CATIP: variants seen among roughly 807,000 people sequenced by gnomAD.
CATIP encodes the protein ciliogenesis-associated TTC17-interacting protein.
CATIP carries 40 observed loss-of-function variants against 42.5 expected under a neutral mutation model. That is an observed-to-expected ratio of 0.94 (90% confidence interval 0.73 to 1.22). The LOEUF (loss-of-function observed/expected upper bound fraction) is 1.22. CATIP is among the 50% of genes most tolerant of loss of function. The probability of loss-of-function intolerance (pLI) is 0.00; values close to 1 mark genes in which losing one functional copy is unlikely to be tolerated. For synonymous variants in CATIP, 222 were observed against 200.2 expected (o/e 1.11, Z -0.92); for missense variants, 489 against 496.0 (o/e 0.99, Z 0.13).
chr2:218,367,363 G>C, intron 8 of CATIP, 67 bp from the exon 9 acceptor site: 2 of 1,427,858 alleles, frequency 1.4e-6, no homozygotes, highest in South Asian at 1.1e-5. Flanking sequence ...GTGTTCTCGG[G>C]ATCTCGCTGT....
intron 5 of CATIP, among the ~76,000 whole-genome samples, chr2:218,361,182 T>C (rs1324997585): frequency 1.3e-5 from 2 of 151,970 alleles, no homozygotes; most frequent in Non-Finnish European, 2.9e-5. Flanking sequence ...AATCAACACG[T>C]GTAAGATGTA....
chr2:218,357,368 A>C (rs781232029), intron 2 of CATIP, 166 bp from the exon 3 acceptor site: 1 of 706,484 alleles, frequency 1.4e-6, no homozygotes, highest in South Asian at 1.9e-5. Flanking sequence ...CCCCGGGGAC[A>C]TGGGGACATG....
In CATIP at chr2:218,356,892, C is replaced by A; in HGVS notation, c.8C>A (p.Ser3Tyr). MSSKVYSTGSRAK... is the reference protein window; with the variant it reads MSYKVYSTGSRAK... ...TAGAGGCAGGCCCACAGCATGTCCTCCAAGGTTTACTCCACAGGTGGGAAG... is the reference window on the plus strand; with the variant it reads ...TAGAGGCAGGCCCACAGCATGTCCTACAAGGTTTACTCCACAGGTGGGAAG... The change falls in exon 1 of 10, where the codon TCC becomes TAC. Residue 3 changes from serine (S) to tyrosine (Y), a missense_variant. Physicochemically the swap from Ser to Tyr is moderately radical, Grantham distance 144. Transcript: ENST00000289388. 1 of 1,614,098 alleles carries A rather than the reference C, an allele frequency of 6.2e-7. No homozygotes were observed. Among genetic ancestry groups the A allele is most frequent in the South Asian group, 1.1e-5 (1 of 91,078 alleles).
intron 3 of CATIP, 57 bp downstream of exon 3, chr2:218,357,791 C>T (rs762642450): frequency 1.0e-5 from 16 of 1,529,088 alleles, no homozygotes; most frequent in African/African-American, 2.7e-5. Flanking sequence ...CCCTCCCCTC[C>T]ACCAATTCCT....
intron 7 of CATIP, chr2:218,366,107 A>C (rs547810387): frequency 6.6e-6 from 1 of 151,046 alleles, no homozygotes; most frequent in South Asian, 2.1e-4. Flanking sequence ...GAGCCACTAC[A>C]AGTGTGAGCC....
At position 218,357,732 on chromosome 2, in the gene CATIP, T is replaced by G. The variant is rs147403100; in HGVS notation, c.317T>G (p.Leu106Arg). ...LDKMLCGNSL[L>R]GYLSEKLELM... Reference sequence around the variant, plus strand: ...AAAATGCTCTGCGGAAATTCCCTCCTGGGTAGCGTTCCTACTGCCTGATGC... The same window carrying G: ...AAAATGCTCTGCGGAAATTCCCTCCGGGGTAGCGTTCCTACTGCCTGATGC... The change falls in exon 3 of 10, where the codon CTG (leucine) becomes CGG (arginine). Residue 106 changes from leucine to arginine, a missense_variant and splice_region_variant. Coordinates refer to ENST00000289388, the MANE Select transcript of CATIP (RefSeq NM_198559.2). 389 of 1,612,548 alleles carry G rather than the reference T, an allele frequency of 2.4e-4. No homozygotes were observed. The highest frequency in any genetic ancestry group is 3.1e-4 in the Non-Finnish European group (360 of 1,179,828).
Position 218,364,733 on chromosome 2 carries a change from T to A in CATIP, c.736T>A (p.Tyr246Asn), listed in dbSNP as rs779603976. 6.3e-5 allele frequency: 102 copies of A among 1,613,416 alleles called. No individual in the cohort carries two copies. The highest frequency in any genetic ancestry group is 8.4e-5 in the Non-Finnish European group (99 of 1,179,758). ...AEEGIPMSCQ[Y>N]YLLSDGHLAK... is the part of the protein sequence containing the mutation. ...GGAGGGCATCCCCATGTCCTGCCAG[T>A]ACTACCTGCTCTCCGATGGGTGAGC... Residue 246 changes from tyrosine to asparagine, a missense_variant, in exon 7 of 10, where the codon TAC (tyrosine) becomes AAC (asparagine). By Grantham distance (143) the Tyr-to-Asn change is moderately radical. Transcript: ENST00000289388.
rs777471545 is a variant in CATIP at position 218,357,693 on chromosome 2, G to A, written c.278G>A (p.Arg93Gln). Residue 93 changes from arginine (R) to glutamine (Q), a missense_variant, in exon 3 of 10, where the codon CGA becomes CAA. Arg to Gln is a conservative substitution (Grantham distance 43). Transcript: ENST00000289388. ...TGCCTCTTCGTGCATGCCTCTAGCC[G>A]AGGCTTCTTGGACAAAATGCTCTGC... ...TYCLFVHASS[R>Q]GFLDKMLCGN... 42 of 1,613,852 alleles carry A rather than the reference G, an allele frequency of 2.6e-5. No individual in the cohort carries two copies. Among genetic ancestry groups the A allele is most frequent in the Admixed American group, 1.8e-4 (11 of 59,980 alleles).
chr2:218,365,460 C>T (rs1415252445), intron 7 of CATIP: 2 of 144,574 alleles, frequency 1.4e-5, no homozygotes, highest in African/African-American at 2.9e-5. Flanking sequence ...GAAAGAGTTT[C>T]TTTCTGTTTT....
chr2:218,363,456 C>A lies in CATIP; in HGVS notation c.630+554C>A, dbSNP rs546361181. 4.6e-4 allele frequency among the ~76,000 whole-genome samples: 68 copies of A among 147,874 alleles called. 2 individuals carry two copies. The highest frequency in any genetic ancestry group is 8.0e-4 in the East Asian group (4 of 5,000). Reference sequence around the variant, plus strand: ...AGCCGAGATCGCGCCACTGCACTCCCGCCTGGGTGACAGAGCGAGACTCTG... The same window carrying A: ...AGCCGAGATCGCGCCACTGCACTCCAGCCTGGGTGACAGAGCGAGACTCTG... On this transcript the variant is annotated intron_variant, in intron 6 of 9. Coordinates refer to ENST00000289388, the MANE Select transcript of CATIP (RefSeq NM_198559.2).
chr2:218,359,497 G>A (rs936476098), intron 4 of CATIP, among the ~76,000 whole-genome samples: 1 of 152,104 alleles, frequency 6.6e-6, no homozygotes, highest in Admixed American at 6.6e-5. Flanking sequence ...ACAGAGCTGG[G>A]AGACTTGGAG....
chr2:218,357,290 T>TCTCTCTC lies in CATIP; in HGVS notation c.118+103_118+104insCTCTCTC, dbSNP rs3055278. On this transcript the variant is annotated intron_variant, in intron 2 of 9. Transcript: ENST00000289388. The stretch of plus-strand genomic sequence containing the variant: ...CTCTCTCTCTCTCTCTCTCTCTCTC[T>TCTCTCTC]TCCTTGATTCTCCTGGGACTCAGAA... 961 of 842,498 alleles carry TCTCTCTC rather than the reference T, an allele frequency of 1.1e-3. 1 individual carries two copies. The highest frequency in any genetic ancestry group is 1.4e-3 in the Non-Finnish European group (781 of 541,122). 52.2% of individuals were successfully genotyped at this position (842,498 alleles called of 1,614,324 possible).
chr2:218,360,456 C>CTT, intron 4 of CATIP, 117 bp from the exon 5 acceptor site: 2 of 742,218 alleles, frequency 2.7e-6, no homozygotes, highest in Non-Finnish European at 4.4e-6. Context: ...GGCCCGGCTG[C>CTT]TTTTTTTTTA....
chr2:218,361,654 G>C (rs1172449367), intron 5 of CATIP, among the ~76,000 whole-genome samples: 1 of 152,158 alleles, frequency 6.6e-6, no homozygotes, highest in Non-Finnish European at 1.5e-5. Context: ...TGTCCACAAG[G>C]AATTTCCTTG....
At chr2:218,359,364 A>AAAAAAAAAAAAGG (rs1695155999) in intron 4 of CATIP, among the ~76,000 whole-genome samples, 1 of 144,672 alleles carries the variant, frequency 6.9e-6, no homozygotes, top group African/African-American at 2.6e-5. Context: ...AAAAAAAAAA[A>AAAAAAAAAAAAGG]TGTTGGGGAT....
rs373829179 is a variant in CATIP at position 218,360,594 on chromosome 2, C to T, written c.397C>T (p.Arg133Trp). ...TCAGTTCCTCATCCTCCCCATGGAA[C>T]GGAAGATGAGTTTGCTGAAGCAGGA... ...FIKFLILPME[R>W]KMSLLKQDDQ... Residue 133 changes from arginine to tryptophan, a missense_variant, in exon 5 of 10, where the codon CGG (arginine) becomes TGG (tryptophan). Physicochemically the swap from Arg to Trp is moderately radical, Grantham distance 101. Transcript: ENST00000289388. The T allele has an allele frequency of 2.7e-5, 44 of 1,613,742 alleles. No individual in the cohort carries two copies. Among genetic ancestry groups the T allele is most frequent in the South Asian group, 4.4e-5 (4 of 91,074 alleles).
At position 218,362,803 on chromosome 2, in the gene CATIP, C is replaced by T; in HGVS notation, c.531C>T (p.Asn177=). 6.2e-7 allele frequency: 1 copy of T among 1,614,180 alleles called. No individual in the cohort carries two copies. The highest frequency in any genetic ancestry group is 8.5e-7 in the Non-Finnish European group (1 of 1,180,038). ...AGGGCTTCATCTCAGAGGCTGCCAA[C>T]CTGGTGCTGCTCAGGGTGATGGCCT... The part of the protein sequence containing the change: ...SIKGFISEAA[N]LVLLRVMAWR... Residue 177 remains asparagine, a synonymous_variant, in exon 6 of 10, where the codon AAC becomes AAT. Coordinates refer to ENST00000289388, the MANE Select transcript of CATIP (RefSeq NM_198559.2).
At chr2:218,365,999 G>A (rs1695419720) in intron 7 of CATIP, 1 of 152,108 alleles carries the variant, frequency 6.6e-6, no homozygotes. Flanking sequence ...ATTTTTAGTA[G>A]AAACAGGCTT....
intron 7 of CATIP, 107 bp from the exon 8 acceptor site, chr2:218,366,917 A>C (rs1436151633): frequency 1.8e-5 from 15 of 850,602 alleles, no homozygotes; most frequent in Non-Finnish European, 2.4e-5. Flanking sequence ...GACCTCCCCA[A>C]AGCCCCTACC....
Sources: gnomAD v4.1 joint callset for allele counts (sites outside exome capture counted in the v4.1 genomes callset) on GRCh38, gnomAD v4.1.1 for gene constraint, MANE v1.5 for transcripts, NCBI Gene and HGNC (gene_info 2026-07-23, HGNC 2026-07-21) for gene names.